EFCAB14: variants seen among roughly 807,000 people sequenced by gnomAD.
EFCAB14 encodes the protein EF-hand calcium binding domain 14.
EFCAB14 carries 43 observed loss-of-function variants against 56.5 expected under a neutral mutation model. That is an observed-to-expected ratio of 0.76 (90% CI 0.60 to 0.98). The LOEUF is 0.98. Among genes scored for constraint, EFCAB14 ranks in the 50% least tolerant of loss-of-function variants. EFCAB14 has a pLI of 0.00. For missense variants in EFCAB14, 538 were observed against 580.3 expected (o/e 0.93, Z 0.75); for synonymous variants, 235 against 212.9 (o/e 1.10, Z -0.90).
intron 2 of EFCAB14, among the ~76,000 whole-genome samples, chr1:46,712,203 G>A: frequency 6.6e-6 from 1 of 152,162 alleles, no homozygotes; most frequent in East Asian, 1.9e-4. Flanking sequence ...GCCCTCGTTA[G>A]CACAAGACCA....
rs561210861 is a variant in EFCAB14 at position 46,718,020 on chromosome 1, T to C, written c.68A>G (p.Lys23Arg). The stretch of plus-strand genomic sequence containing the variant: ...CAGGCGGTGACTGCTTGGGCCTTTC[T>C]TGGGCTTCTTTCTCCGGCTGTCCCC... ...LAGDSRRKKP[K>R]KGPSSHRLLR... is the part of the protein sequence containing the mutation. Residue 23 changes from lysine (K) to arginine (R), a missense_variant, in exon 1 of 11, where the codon AAG (lysine) becomes AGG (arginine). Physicochemically the swap from Lys to Arg is conservative, Grantham distance 26 (BLOSUM62 2). Coordinates refer to ENST00000371933, the MANE Select transcript of EFCAB14 (RefSeq NM_014774.3). 6.2e-6 allele frequency: 10 copies of C among 1,614,222 alleles called. No individual in the cohort carries two copies. The Admixed American group carries it at 8.3e-5, about 13-fold the overall frequency.
At chr1:46,683,265 C>A (rs1676824523) in intron 10 of EFCAB14, 35 bp downstream of exon 10, 1 of 1,595,304 alleles carries the variant, frequency 6.3e-7, no homozygotes, top group East Asian at 2.2e-5. Context: ...TTACTTTGAA[C>A]ATTCCCATTA....
chr1:46,693,099 G>A (rs1359212567), intron 4 of EFCAB14, among the ~76,000 whole-genome samples: 3 of 152,132 alleles, frequency 2.0e-5, no homozygotes, highest in African/African-American at 7.2e-5. Flanking sequence ...GTAGAATCCT[G>A]TCAGCAACCA....
Position 46,717,951 on chromosome 1 carries a change from T to A in EFCAB14, c.137A>T (p.Glu46Val), listed in dbSNP as rs1426524786. The A allele has an allele frequency of 6.2e-7, 1 of 1,614,108 alleles. No homozygotes were observed. Residue 46 changes from glutamate (E) to valine (V), a missense_variant, in exon 1 of 11, where the codon GAA (glutamate) becomes GTA (valine). Physicochemically the swap from Glu to Val is moderately radical, Grantham distance 121. Transcript: ENST00000371933. ...AACCACACCGAATTCCTCTTCCTCT[T>A]CGGAGCTGGACTCAGAGTCTGAGTC... ...PPDSDSESSSEEEEEFGVVGN... is the reference protein window; with the variant it reads ...PPDSDSESSSVEEEEFGVVGN...
intron 3 of EFCAB14, 81 bp downstream of exon 3, chr1:46,707,825 T>C (rs1177450777): frequency 7.2e-7 from 1 of 1,397,376 alleles, no homozygotes; most frequent in Non-Finnish European, 9.6e-7. Flanking sequence ...TCCCTATACC[T>C]ACAATTCTCT....
intron 5 of EFCAB14, among the ~76,000 whole-genome samples, chr1:46,691,302 G>A (rs1676987234): frequency 6.6e-6 from 1 of 152,152 alleles, no homozygotes; most frequent in African/African-American, 2.4e-5. Context: ...TGGGGGTTGA[G>A]GGATGGGGGT....
chr1:46,704,050 A>T (rs1375248633), intron 3 of EFCAB14, among the ~76,000 whole-genome samples: 1 of 152,172 alleles, frequency 6.6e-6, no homozygotes, highest in Non-Finnish European at 1.5e-5. Flanking sequence ...AATCTAGGTG[A>T]GATACATACT....
chr1:46,716,100 A>G (rs2148852343), intron 2 of EFCAB14, among the ~76,000 whole-genome samples, 195 bp downstream of exon 2: 1 of 151,880 alleles, frequency 6.6e-6, no homozygotes, highest in Admixed American at 6.6e-5. Flanking sequence ...AGACAAAAAA[A>G]TTAGCTGGGT....
rs9094 is a variant in EFCAB14, at chr1:46,678,411, T to C, written c.*50A>G. 50,784 of 1,601,636 alleles carry C rather than the reference T, an allele frequency of 0.032. 5,402 individuals carry two copies. In the East Asian group the frequency reaches 0.39, roughly 12 times the overall value. The stretch of plus-strand genomic sequence containing the variant: ...TGGGTAAGTAAGGGTTGTTTTGTTG[T>C]TAGGTAAATAGATATTAGGCAGTCC... On this transcript the variant is annotated 3_prime_UTR_variant, in exon 11 of 11. Coordinates refer to ENST00000371933, the MANE Select transcript of EFCAB14 (RefSeq NM_014774.3).
intron 2 of EFCAB14, among the ~76,000 whole-genome samples, chr1:46,714,890 T>C (rs919319369): frequency 2.0e-5 from 3 of 151,986 alleles, no homozygotes; most frequent in African/African-American, 7.2e-5. Flanking sequence ...TATACAAAAC[T>C]CTGTGACTTC....
intron 7 of EFCAB14, 78 bp downstream of exon 7, chr1:46,688,275 G>T: frequency 7.2e-7 from 1 of 1,397,702 alleles, no homozygotes; most frequent in Non-Finnish European, 9.9e-7. Context: ...CCAGAAGGCT[G>T]TTCTCAAAAG....
chr1:46,689,605 G>A lies in EFCAB14; in HGVS notation c.777C>T (p.His259=), dbSNP rs1352807562. 6.2e-7 allele frequency: 1 copy of A among 1,613,858 alleles called. No homozygotes were observed. The highest frequency in any genetic ancestry group is 8.5e-7 in the Non-Finnish European group (1 of 1,179,794). The change falls in exon 6 of 11, where the codon CAC becomes CAT. Residue 259 remains histidine (H), a synonymous_variant. Coordinates refer to ENST00000371933, the MANE Select transcript of EFCAB14 (RefSeq NM_014774.3). The part of the protein sequence containing the change: ...SATSELDNKT[H]SENLKQDILY... ...AAAGCACCTGTTTCAAATTCTCACT[G>A]TGGGTTTTATTGTCAAGTTCTGATG...
intron 2 of EFCAB14, among the ~76,000 whole-genome samples, chr1:46,715,184 T>C (rs757862649): frequency 8.5e-5 from 13 of 152,332 alleles, no homozygotes; most frequent in South Asian, 2.1e-4. Context: ...TCCTGTTTCT[T>C]CTACTAAACT....
chr1:46,715,052 G>A (rs1677366166), intron 2 of EFCAB14, among the ~76,000 whole-genome samples: 1 of 152,114 alleles, frequency 6.6e-6, no homozygotes, highest in African/African-American at 2.4e-5. Context: ...ACTCATTAAT[G>A]GTATTTAAAT....
intron 3 of EFCAB14, among the ~76,000 whole-genome samples, chr1:46,700,988 T>C (rs1224644947): frequency 6.7e-6 from 1 of 148,974 alleles, no homozygotes; most frequent in African/African-American, 2.5e-5. Flanking sequence ...AGTGAGTGAG[T>C]GTGTGTGTGT....
Position 46,718,208 on chromosome 1 carries a change from T to G in EFCAB14, c.-121A>C. The G allele has an allele frequency of 3.8e-6, 4 of 1,042,726 alleles. No homozygotes were observed. Among genetic ancestry groups the G allele is most frequent in the Non-Finnish European group, 5.6e-6 (4 of 720,162 alleles). The allele number at this position is 1,042,726 out of a possible 1,614,324, so 64.6% of individuals were successfully genotyped here. ...TTGGGAATCCTGGGCCAGAGCCCCCTGGTCACTCCCACCTAGGGGTGGGAC... is the reference window on the plus strand; with the variant it reads ...TTGGGAATCCTGGGCCAGAGCCCCCGGGTCACTCCCACCTAGGGGTGGGAC... On this transcript the variant is annotated 5_prime_UTR_variant, in exon 1 of 11. Coordinates refer to ENST00000371933, the MANE Select transcript of EFCAB14 (RefSeq NM_014774.3).
intron 10 of EFCAB14, among the ~76,000 whole-genome samples, chr1:46,680,652 T>C (rs962484687): frequency 6.6e-6 from 1 of 152,186 alleles, no homozygotes; most frequent in African/African-American, 2.4e-5. Flanking sequence ...AATTAGATAG[T>C]GGTGATGGTT....
chr1:46,706,784 T>G (rs527606471), intron 3 of EFCAB14, among the ~76,000 whole-genome samples: 5 of 152,346 alleles, frequency 3.3e-5, no homozygotes, highest in African/African-American at 1.2e-4. Context: ...CATGAATTAT[T>G]TCATGAATAA....
At chr1:46,711,713 C>T (rs1023154944) in intron 2 of EFCAB14, among the ~76,000 whole-genome samples, 7 of 152,102 alleles carry the variant, frequency 4.6e-5, no homozygotes, top group Non-Finnish European at 8.8e-5. Context: ...TTTTGATTTC[C>T]TAATCTTTAA....
Sources: allele counts gnomAD v4.1 joint callset (sites outside exome capture counted in the v4.1 genomes callset), GRCh38; gene constraint gnomAD v4.1.1; transcripts MANE v1.5; gene names NCBI Gene and HGNC (gene_info 2026-07-23, HGNC 2026-07-21).